Variants in ATG10 observed in about 807,000 individuals in gnomAD.
ATG10 encodes the protein autophagy related 10.
A neutral mutation model predicts 32.1 loss-of-function variants in ATG10; 30 were observed. That is an observed-to-expected ratio of 0.94 (90% CI 0.70 to 1.27). The LOEUF is 1.27. Ranked by LOEUF, ATG10 falls within the 50% of genes most tolerant of loss-of-function variation. ATG10 has a pLI of 0.00. For synonymous variants in ATG10, 87 were observed against 91.5 expected, an observed-to-expected ratio of 0.95 and a Z score of 0.28; for missense variants, 233 against 262.3, an observed-to-expected ratio of 0.89 and a Z score of 0.77.
chr5:82,016,081 T>G (rs993808773), intron 2 of ATG10, among the ~76,000 whole-genome samples: 6 of 152,238 alleles, frequency 3.9e-5, no homozygotes, highest in Admixed American at 6.5e-5. Flanking sequence ...GTGCATAAGC[T>G]TTTTAAATTG....
chr5:81,991,651 C>T (rs778047919), intron 2 of ATG10, among the ~76,000 whole-genome samples: 5 of 151,842 alleles, frequency 3.3e-5, no homozygotes, highest in Non-Finnish European at 5.9e-5. Context: ...AAAAATTAGC[C>T]GAGTGTGGTG....
At chr5:81,972,511 ACTCC>A (rs1760752129) in intron 1 of ATG10, 1 of 151,694 alleles carries the variant, frequency 6.6e-6, no homozygotes, top group Non-Finnish European at 1.5e-5. Context: ...GGGCGAGGAC[ACTCC>A]CTCCTCGGGG....
intron 2 of ATG10, among the ~76,000 whole-genome samples, chr5:82,034,085 A>G (rs1762836818): frequency 6.6e-6 from 1 of 150,834 alleles, no homozygotes; most frequent in Non-Finnish European, 1.5e-5. Context: ...GTGTATATAT[A>G]TATCATATCA....
chr5:82,221,155 C>T (rs1412525069), intron 5 of ATG10, among the ~76,000 whole-genome samples: 1 of 152,158 alleles, frequency 6.6e-6, no homozygotes, highest in Non-Finnish European at 1.5e-5. Flanking sequence ...TCCCGCCTGG[C>T]CTAGGTTTCC....
At chr5:82,076,610 A>G (rs1003836033) in intron 3 of ATG10, among the ~76,000 whole-genome samples, 1 of 152,188 alleles carries the variant, frequency 6.6e-6, no homozygotes, top group East Asian at 1.9e-4. Flanking sequence ...GCCTCTGATT[A>G]TAGTAATATT....
intron 4 of ATG10, 28 bp downstream of exon 4, chr5:82,164,565 A>G: frequency 1.9e-6 from 3 of 1,564,630 alleles, no homozygotes; most frequent in Non-Finnish European, 2.6e-6. Context: ...GCTAAAAGTA[A>G]ATTTATAACA....
At chr5:82,011,616 G>T (rs1467222500) in intron 2 of ATG10, among the ~76,000 whole-genome samples, 1 of 152,182 alleles carries the variant, frequency 6.6e-6, no homozygotes, top group Non-Finnish European at 1.5e-5. Flanking sequence ...TTACATTTGT[G>T]CATAGCTTAA....
rs113504626 is a variant in ATG10 at position 82,098,714 on chromosome 5, A to G, written c.216+40112A>G. On this transcript the variant is annotated intron_variant, in intron 3 of 7. Coordinates refer to ENST00000282185, the MANE Select transcript of ATG10 (RefSeq NM_031482.5). Reference sequence around the variant, plus strand: ...ACCATTAGCTAAATGGGACTGGTAAAGAATTTTCAGGTCATTCAGAATTGA... The same window carrying G: ...ACCATTAGCTAAATGGGACTGGTAAGGAATTTTCAGGTCATTCAGAATTGA... Among the ~76,000 whole-genome samples, 1,103 of 152,320 alleles carry G rather than the reference A, an allele frequency of 7.2e-3. 4 individuals are homozygous for G. The highest frequency in any genetic ancestry group is 0.012 in the Non-Finnish European group (786 of 68,024).
At chr5:82,229,005 T>C (rs1746243696) in intron 5 of ATG10, among the ~76,000 whole-genome samples, 1 of 152,236 alleles carries the variant, frequency 6.6e-6, no homozygotes, top group Admixed American at 6.5e-5. Context: ...GTGGACTAAC[T>C]TAACTGAAAT....
At chr5:82,057,204 A>G (rs951344493) in intron 2 of ATG10, among the ~76,000 whole-genome samples, 3 of 152,180 alleles carry the variant, frequency 2.0e-5, no homozygotes, top group African/African-American at 7.2e-5. Context: ...TGTCAGCACA[A>G]CTTACTGGGA....
At chr5:82,197,407 C>A (rs760656342) in intron 5 of ATG10, among the ~76,000 whole-genome samples, 1 of 152,018 alleles carries the variant, frequency 6.6e-6, no homozygotes, top group Non-Finnish European at 1.5e-5. Flanking sequence ...TGTTCAAGAA[C>A]TAAAATTCTC....
chr5:82,173,479 T>A (rs1743880959), intron 4 of ATG10, among the ~76,000 whole-genome samples: 2 of 152,206 alleles, frequency 1.3e-5, no homozygotes, highest in Admixed American at 1.3e-4. Flanking sequence ...CACTTTAGAT[T>A]ACTGACAGAA....
rs574809376 is a variant in ATG10 at position 82,074,372 on chromosome 5, C to G, written c.216+15770C>G. Among the ~76,000 whole-genome samples the G allele has an allele frequency of 2.6e-5, 4 of 152,034 alleles. No homozygotes were observed. In the South Asian group the frequency reaches 8.3e-4, roughly 32 times the overall value. On this transcript the variant is annotated intron_variant, in intron 3 of 7. Transcript: ENST00000282185. ...GTACTTTTTTATATTTTTATAAAAC[C>G]CCTTTTTTCTTTAAATATGTTATAG...
chr5:82,077,805 A>G lies in ATG10; in HGVS notation c.216+19203A>G, dbSNP rs953108579. On this transcript the variant is annotated intron_variant, in intron 3 of 7. Coordinates refer to ENST00000282185, the MANE Select transcript of ATG10 (RefSeq NM_031482.5). ...TTGATGCTTTAGAAAAAGCTGTAAGATTTTCTTTTCTTTATAATGTGGGGT... is the reference window on the plus strand; with the variant it reads ...TTGATGCTTTAGAAAAAGCTGTAAGGTTTTCTTTTCTTTATAATGTGGGGT... Among the ~76,000 whole-genome samples the G allele has an allele frequency of 3.9e-5, 6 of 151,930 alleles. No homozygotes were observed. In the East Asian group the frequency reaches 5.8e-4, roughly 15 times the overall value.
intron 7 of ATG10, 32 bp downstream of exon 7, chr5:82,253,461 C>T (rs1864181): frequency 0.54 from 767,654 of 1,412,434 alleles, 218,232 homozygotes; most frequent in East Asian, 0.94. Context: ...AATGTTTTGC[C>T]GTTACAAAGA....
At chr5:82,109,276 T>C (rs897231391) in intron 3 of ATG10, among the ~76,000 whole-genome samples, 4 of 151,966 alleles carry the variant, frequency 2.6e-5, no homozygotes, top group Non-Finnish European at 5.9e-5. Flanking sequence ...TCAACTGTTG[T>C]AGGGGACAGT....
chr5:82,146,615 T>G (rs1434194552), intron 3 of ATG10, among the ~76,000 whole-genome samples: 1 of 147,866 alleles, frequency 6.8e-6, no homozygotes, highest in Non-Finnish European at 1.5e-5. Flanking sequence ...TTTCTTTTGT[T>G]TTTTTTTTTT....
intron 3 of ATG10, among the ~76,000 whole-genome samples, chr5:82,079,492 A>T (rs1449402504): frequency 6.6e-6 from 1 of 151,798 alleles, no homozygotes; most frequent in African/African-American, 2.4e-5. Flanking sequence ...CATTAGGTAT[A>T]TCTCCTAGTG....
chr5:82,136,795 C>T (rs1167289956), intron 3 of ATG10, among the ~76,000 whole-genome samples: 4 of 152,178 alleles, frequency 2.6e-5, no homozygotes, highest in Non-Finnish European at 5.9e-5. Context: ...GGATAATATC[C>T]TGAAGAGTGT....
Sources: allele counts gnomAD v4.1 joint callset (sites outside exome capture counted in the v4.1 genomes callset), GRCh38; gene constraint gnomAD v4.1.1; transcripts MANE v1.5; gene names NCBI Gene and HGNC (gene_info 2026-07-23, HGNC 2026-07-21).